The following VSIG10L variants were observed in gnomAD, a reference collection of about 807,000 sequenced individuals.
VSIG10L encodes V-set and immunoglobulin domain-containing protein 10-like.
VSIG10L carries 63 observed loss-of-function variants against 67.3 expected under a neutral mutation model. That is an observed-to-expected ratio of 0.94 (90% CI 0.76 to 1.15). The LOEUF (loss-of-function observed/expected upper bound fraction) is 1.15, where lower values mean the gene tolerates loss of function less well. VSIG10L is among the 50% of genes most tolerant of loss of function. The pLI is 0.00. For synonymous variants in VSIG10L, 499 were observed against 524.9 expected (o/e 0.95, Z 0.67); for missense variants, 1,050 against 1,177.5 (o/e 0.89, Z 1.58).
Position 51,341,580 on chromosome 19 carries a change from A to C in VSIG10L, c.468T>G (p.Val156=), listed in dbSNP as rs1568463593. 3 of 1,551,718 alleles carry C rather than the reference A, an allele frequency of 1.9e-6. No homozygotes were observed. In the East Asian group the frequency reaches 7.3e-5, roughly 38 times the overall value. ...GGGAGAATTTTGAATCTGGGGCCTCAACAGACAGTTTGGTATGGGAGACTT... is the reference window on the plus strand; with the variant it reads ...GGGAGAATTTTGAATCTGGGGCCTCCACAGACAGTTTGGTATGGGAGACTT... ...STQVSHTKLS[V]EAPDSKFSPD... Residue 156 remains valine, a synonymous_variant, in exon 2 of 10, where the codon GTT becomes GTG. Transcript: ENST00000335624.
At chr19:51,334,947 A>AAAAC (rs1164625512) in intron 7 of VSIG10L, among the ~76,000 whole-genome samples, 1 of 152,218 alleles carries the variant, frequency 6.6e-6, no homozygotes, top group African/African-American at 2.4e-5. Context: ...TCAAAAAAAG[A>AAAAC]AAACAAACAA....
rs1985421428 is a variant in VSIG10L, at chr19:51,334,082, T to G, written c.2419+109A>C. The G allele has an allele frequency of 4.1e-6, 6 of 1,455,774 alleles. No individual in the cohort carries two copies. The African/African-American group carries it at 4.3e-5, about 10-fold the overall frequency. 90.2% of individuals were successfully genotyped at this position (1,455,774 alleles called of 1,614,324 possible). On this transcript the variant is annotated intron_variant, in intron 8 of 9. Coordinates refer to ENST00000335624, the MANE Select transcript of VSIG10L (RefSeq NM_001163922.3). ...CTGATTTGGAGGTAGGAGGGCAGGA[T>G]GGATGACCTATGACGGCACTGATTG... is the stretch of plus-strand genomic sequence containing the variant.
chr19:51,337,407 G>T lies in VSIG10L; in HGVS notation c.2136C>A (p.Gly712=). The change falls in exon 7 of 10, where the codon GGC becomes GGA. Residue 712 remains glycine, a synonymous_variant. Transcript: ENST00000335624. ...CCCAGTCCCTGTAGGTGGAAGTCCT[G>T]CCCAGAGCAGGCCCATCTGGCCATG... ...IQAWPDGPAL[G]RTSTYRDWVS... is the part of the protein sequence containing the mutation. The T allele has an allele frequency of 6.4e-7, 1 of 1,551,742 alleles. No homozygotes were observed. Among genetic ancestry groups the T allele is most frequent in the South Asian group, 1.2e-5 (1 of 84,068 alleles).
At chr19:51,341,026 T>A (rs913719216) in intron 2 of VSIG10L, 127 bp downstream of exon 2, 1 of 1,338,234 alleles carries the variant, frequency 7.5e-7, no homozygotes, top group Non-Finnish European at 9.8e-7. Flanking sequence ...TAGCTCTTTT[T>A]CTCCCTTCCT....
intron 9 of VSIG10L, among the ~76,000 whole-genome samples, chr19:51,333,132 G>A (rs1345244122): frequency 6.6e-6 from 1 of 152,140 alleles, no homozygotes; most frequent in Admixed American, 6.5e-5. Flanking sequence ...TTACAGGCAT[G>A]AACTATCACA....
rs1454137457 is a variant in VSIG10L, at chr19:51,340,334, G to A, written c.1190-35C>T. The A allele has an allele frequency of 6.7e-6, 10 of 1,481,866 alleles. No homozygotes were observed. Among genetic ancestry groups the A allele is most frequent in the Non-Finnish European group, 7.2e-6 (8 of 1,118,168 alleles). 91.8% of individuals were successfully genotyped at this position (1,481,866 alleles called of 1,614,324 possible). A position where few individuals can be genotyped will look rare whatever the true frequency, so the allele number is the denominator to read the frequency against. ...GGAGGGGTCGGGACCGCGAGTGTCA[G>A]GGTCACCTGGGACGCCGCTAGGACT... is the stretch of plus-strand genomic sequence containing the variant. On this transcript the variant is annotated intron_variant, in intron 3 of 9. Transcript: ENST00000335624. The surrounding 1 kb of genome is among the most constrained non-coding windows in gnomAD (Gnocchi z 6.3).
Position 51,332,525 on chromosome 19 carries a change from G to A in VSIG10L, c.*86C>T. The A allele has an allele frequency of 6.7e-7, 1 of 1,485,920 alleles. No individual in the cohort carries two copies. The highest frequency in any genetic ancestry group is 9.2e-7 in the Non-Finnish European group (1 of 1,087,300). 92.0% of individuals were successfully genotyped at this position (1,485,920 alleles called of 1,614,324 possible). A position where few individuals can be genotyped will look rare whatever the true frequency, so the allele number is the denominator to read the frequency against. ...GGCTGCTGCTGGAGTGAAATAGGAA[G>A]TTCTGGCCCAAAACGCCCTGTGCAG... On this transcript the variant is annotated 3_prime_UTR_variant, in exon 10 of 10. Transcript: ENST00000335624.
rs1412754543 is a variant in VSIG10L at position 51,340,251 on chromosome 19, G to T, written c.1238C>A (p.Ala413Glu). ...GCCCGCGGTGACAAAGCGGGCAGGC[G>T]CGGCGTCGCGGTCCGAGGAGACCGT... is the stretch of plus-strand genomic sequence containing the variant. ...TITVSSDRDA[A>E]PARFVTAGSN... Residue 413 changes from alanine to glutamate, a missense_variant, in exon 4 of 10, where the codon GCG becomes GAG. By Grantham distance (107) the Ala-to-Glu change is moderately radical. This residue lies in a region of VSIG10L where 511 missense variants were observed against 557.9 expected (regional missense o/e 0.92). Transcript: ENST00000335624. The surrounding 1 kb of genome is among the most constrained non-coding windows in gnomAD (Gnocchi z 6.3). 6.6e-7 allele frequency: 1 copy of T among 1,513,540 alleles called. No homozygotes were observed. The highest frequency in any genetic ancestry group is 8.8e-7 in the Non-Finnish European group (1 of 1,138,354). 93.8% of individuals were successfully genotyped at this position (1,513,540 alleles called of 1,614,324 possible). A position where few individuals can be genotyped will look rare whatever the true frequency, so the allele number is the denominator to read the frequency against.
intron 9 of VSIG10L, among the ~76,000 whole-genome samples, chr19:51,332,992 G>A (rs1985394158): frequency 6.6e-6 from 1 of 152,096 alleles, no homozygotes; most frequent in African/African-American, 2.4e-5. Context: ...TGGGACTACA[G>A]GTACGTGCCA....
Position 51,338,110 on chromosome 19 carries a change from G to A in VSIG10L, c.1828C>T (p.Arg610Trp), listed in dbSNP as rs201452734. The change falls in exon 6 of 10, where the codon CGG becomes TGG. Residue 610 changes from arginine to tryptophan, a missense_variant. Arg to Trp is a moderately radical substitution (Grantham distance 101). This residue lies in a region of VSIG10L where 529 missense variants were observed against 584.9 expected (regional missense o/e 0.90). Transcript: ENST00000335624. ...CTCCCTTCCCGGGCCCAGGATGCCC[G>A]TGAGGGTGGGGGACAACCAGAGGCC... is the stretch of plus-strand genomic sequence containing the variant. ...LEASGCPPPS[R>W]ASWAREGRPL... is the part of the protein sequence containing the mutation. 1.4e-3 allele frequency: 2,097 copies of A among 1,550,428 alleles called. 5 individuals are homozygous for A. Among genetic ancestry groups the A allele is most frequent in the Non-Finnish European group, 1.7e-3 (1,898 of 1,146,488 alleles).
Position 51,340,011 on chromosome 19 carries a change from T to C in VSIG10L, c.1474+4A>G. On this transcript the variant is annotated splice_donor_region_variant and intron_variant, in intron 4 of 9. Coordinates refer to ENST00000335624, the MANE Select transcript of VSIG10L (RefSeq NM_001163922.3). The surrounding 1 kb of genome is among the most constrained non-coding windows in gnomAD (Gnocchi z 6.3). ...ATTCCCCTACTCCCGCTCCAGCCTC[T>C]CACCCGCCACTGTAAGGTTGAGCAG... The C allele has an allele frequency of 7.2e-7, 1 of 1,389,016 alleles. No individual in the cohort carries two copies. Among genetic ancestry groups the C allele is most frequent in the Non-Finnish European group, 9.3e-7 (1 of 1,074,538 alleles). The allele number at this position is 1,389,016 out of a possible 1,614,324, so 86.0% of individuals were successfully genotyped here. A position where few individuals can be genotyped will look rare whatever the true frequency, so the allele number is the denominator to read the frequency against.
rs2123558063 is a variant in VSIG10L at position 51,340,379 on chromosome 19, G to T, written c.1189+54C>A. On this transcript the variant is annotated intron_variant, in intron 3 of 9. Transcript: ENST00000335624. This position sits in a 1 kb window ranked among gnomAD's most constrained non-coding sequence, Gnocchi z 6.3. ...AGGACTCCCGGAGACTGGGTCCCCAGCCCGCTTCTCCCCAAGGACCCCCTG... is the reference window on the plus strand; with the variant it reads ...AGGACTCCCGGAGACTGGGTCCCCATCCCGCTTCTCCCCAAGGACCCCCTG... The T allele has an allele frequency of 6.8e-7, 1 of 1,460,394 alleles. No homozygotes were observed. Among genetic ancestry groups the T allele is most frequent in the South Asian group, 1.3e-5 (1 of 74,654 alleles). The allele number at this position is 1,460,394 out of a possible 1,614,324, so 90.5% of individuals were successfully genotyped here.
chr19:51,334,375 C>G (rs1985433589), intron 7 of VSIG10L, 71 bp from the exon 8 acceptor site: 1 of 1,418,482 alleles, frequency 7.0e-7, no homozygotes, highest in Admixed American at 2.2e-5. Flanking sequence ...CCTAAGCCCC[C>G]TAACTTTGTG....
chr19:51,335,576 C>A (rs966015374), intron 7 of VSIG10L, among the ~76,000 whole-genome samples: 2 of 152,128 alleles, frequency 1.3e-5, no homozygotes, highest in Non-Finnish European at 2.9e-5. Flanking sequence ...GGGAAAACAT[C>A]GAAAGATCTG....
Position 51,332,381 on chromosome 19 carries a change from C to T in VSIG10L, c.*230G>A, listed in dbSNP as rs974545891. The T allele has an allele frequency of 4.9e-6, 3 of 616,230 alleles. No individual in the cohort carries two copies. Among genetic ancestry groups the T allele is most frequent in the Non-Finnish European group, 8.8e-6 (3 of 340,956 alleles). The allele number at this position is 616,230 out of a possible 1,614,324, so 38.2% of individuals were successfully genotyped here. A position where few individuals can be genotyped will look rare whatever the true frequency, so the allele number is the denominator to read the frequency against. The stretch of plus-strand genomic sequence containing the variant: ...ACACAGTTAGATCAGCAAGAGTTTC[C>T]CAGCCAAGAAGTCACATCTCCTTAC... On this transcript the variant is annotated 3_prime_UTR_variant, in exon 10 of 10. Transcript: ENST00000335624.
At position 51,338,954 on chromosome 19, in the gene VSIG10L, T is replaced by C; in HGVS notation, c.1663A>G (p.Ser555Gly). Reference protein sequence around the residue: ...LAAVPAHPRLSGVPITCLARH... With the variant: ...LAAVPAHPRLGGVPITCLARH... Reference sequence around the variant, plus strand: ...GCAAGGCAGGTGATGGGGACGCCGCTGAGCCGGGGGTGGGCGGGGACGGCC... The same window carrying C: ...GCAAGGCAGGTGATGGGGACGCCGCCGAGCCGGGGGTGGGCGGGGACGGCC... The change falls in exon 5 of 10, where the codon AGC (serine) becomes GGC (glycine). Residue 555 changes from serine to glycine, a missense_variant. Ser to Gly is a moderately conservative substitution (Grantham distance 56, BLOSUM62 0). This residue lies in a region of VSIG10L where 529 missense variants were observed against 584.9 expected (regional missense o/e 0.90). Transcript: ENST00000335624. The C allele has an allele frequency of 7.0e-7, 1 of 1,429,250 alleles. No individual in the cohort carries two copies. Among genetic ancestry groups the C allele is most frequent in the Non-Finnish European group, 9.2e-7 (1 of 1,083,880 alleles). 88.5% of individuals were successfully genotyped at this position (1,429,250 alleles called of 1,614,324 possible).
chr19:51,336,372 C>T lies in VSIG10L; in HGVS notation c.2305+866G>A, dbSNP rs149211126. ...AGGAGTTCAAGACCAGCCTGGCCAA[C>T]ATGGTGAAATCCCATCTCTACTAAT... is the stretch of plus-strand genomic sequence containing the variant. On this transcript the variant is annotated intron_variant, in intron 7 of 9. Coordinates refer to ENST00000335624, the MANE Select transcript of VSIG10L (RefSeq NM_001163922.3). 7.6e-3 allele frequency among the ~76,000 whole-genome samples: 1,152 copies of T among 152,230 alleles called. 6 individuals are homozygous for T. Among genetic ancestry groups the T allele is most frequent in the African/African-American group, 0.027 (1,104 of 41,524 alleles).
rs28399053 is a variant in VSIG10L, at chr19:51,332,024, G to C, written c.*587C>G. 0.087 allele frequency: 13,612 copies of C among 157,220 alleles called. 705 individuals carry two copies. Among genetic ancestry groups the C allele is most frequent in the Middle Eastern group, 0.2 (59 of 302 alleles). The allele number at this position is 157,220 out of a possible 1,614,324, so 9.7% of individuals were successfully genotyped here. On this transcript the variant is annotated 3_prime_UTR_variant, in exon 10 of 10. Transcript: ENST00000335624. ...AAATTGTGGCTGAGAGACAGACTGT[G>C]ATACTGGAGTCCGGGGGCAGAGAAA...
chr19:51,333,888 G>A lies in VSIG10L; in HGVS notation c.2477C>T (p.Ser826Leu). ...PSTLVPVVTP[S>L]EKKMHSVTPV... ...GGTCACACTATGCATCTTCTTTTCT[G>A]AGGGGGTGACCACGGGGACCAAGGT... The change falls in exon 9 of 10, where the codon TCA (serine) becomes TTA (leucine). Residue 826 changes from serine (S) to leucine (L), a missense_variant. Physicochemically the swap from Ser to Leu is moderately radical, Grantham distance 145. Transcript: ENST00000335624. The A allele has an allele frequency of 3.9e-6, 6 of 1,551,704 alleles. No individual in the cohort carries two copies. In the South Asian group the frequency reaches 7.1e-5, roughly 18 times the overall value.
Sources: allele counts gnomAD v4.1 joint callset (sites outside exome capture counted in the v4.1 genomes callset), GRCh38; gene constraint gnomAD v4.1.1; regional missense constraint gnomAD v4.1.1; non-coding constraint Gnocchi (gnomAD v3.1); transcripts MANE v1.5; gene names NCBI Gene and HGNC (gene_info 2026-07-23, HGNC 2026-07-21).